The following CAND2 variants were observed in gnomAD, a reference collection of about 807,000 sequenced individuals.
The protein encoded by CAND2 is cullin-associated NEDD8-dissociated protein 2.
Under a neutral mutation model 98.9 loss-of-function variants are expected in CAND2, and 62 were observed. The ratio of observed to expected loss-of-function variants is 0.63; its 90% CI spans 0.51 to 0.77. The LOEUF (loss-of-function observed/expected upper bound fraction) is 0.77. Ranked by LOEUF, CAND2 falls within the 30% of genes least tolerant of loss-of-function variation. The pLI is 0.00. For missense variants in CAND2, 1,501 were observed against 1,655.2 expected (o/e 0.91, Z 1.62); for synonymous variants, 770 against 731.9 (o/e 1.05, Z -0.84).
chr3:12,829,858 A>G (rs1023804126), intron 13 of CAND2, among the ~76,000 whole-genome samples: 11 of 152,174 alleles, frequency 7.2e-5, no homozygotes, highest in African/African-American at 2.7e-4. Flanking sequence ...GCTTTTCAAT[A>G]TATATCAGTC....
intron 1 of CAND2, among the ~76,000 whole-genome samples, chr3:12,800,197 G>A (rs940182821): frequency 6.6e-6 from 1 of 152,206 alleles, no homozygotes; most frequent in Non-Finnish European, 1.5e-5. Context: ...TGCCCATGCT[G>A]CCAGCCCAGC....
In CAND2 at chr3:12,816,345, G is replaced by T. The variant is rs1255884915; in HGVS notation, c.1442-29G>T. The T allele has an allele frequency of 1.0e-5, 16 of 1,576,070 alleles. No individual in the cohort carries two copies. The Admixed American group carries it at 1.1e-4, about 10-fold the overall frequency. ...GGGCCGTGTTGCATCAGAGGCGGTGGCCTCATAACCTTTGCATTCACCCTG... is the reference window on the plus strand; with the variant it reads ...GGGCCGTGTTGCATCAGAGGCGGTGTCCTCATAACCTTTGCATTCACCCTG... On this transcript the variant is annotated intron_variant, in intron 9 of 14. Coordinates refer to ENST00000456430, the MANE Select transcript of CAND2 (RefSeq NM_001162499.2).
rs187853396 is a variant in CAND2 at position 12,821,213 on chromosome 3, G to A, written c.3040+1032G>A. Reference sequence around the variant, plus strand: ...TGCACCACTGCACTCTAGCCTGGGCGACAGAGCAAGACTCCGTCTCAAAAA... The same window carrying A: ...TGCACCACTGCACTCTAGCCTGGGCAACAGAGCAAGACTCCGTCTCAAAAA... On this transcript the variant is annotated intron_variant, in intron 11 of 14. Coordinates refer to ENST00000456430, the MANE Select transcript of CAND2 (RefSeq NM_001162499.2). Among the ~76,000 whole-genome samples the A allele has an allele frequency of 2.1e-3, 302 of 141,962 alleles. 4 individuals are homozygous for A. The highest frequency in any genetic ancestry group is 7.8e-3 in the African/African-American group (288 of 36,902). The allele number at this position is 141,962 out of a possible 152,430, so 93.1% of individuals were successfully genotyped here.
At position 12,803,546 on chromosome 3, in the gene CAND2, G is replaced by T. The variant is rs779312403; in HGVS notation, c.127G>T (p.Glu43Ter). 1.9e-6 allele frequency: 3 copies of T among 1,613,636 alleles called. No individual in the cohort carries two copies. Among genetic ancestry groups the T allele is most frequent in the South Asian group, 2.2e-5 (2 of 91,044 alleles). The change falls in exon 2 of 15, where the codon GAG becomes TAG. Residue 43 changes from glutamate (E) to a stop codon, truncating the protein, a stop_gained. Transcript: ENST00000456430. LOFTEE classifies it high-confidence loss of function. Reference sequence around the variant, plus strand: ...GCAGAAGGACTCCATCCAGCTGGACGAGGACAGCGAGCGCAAGGTGGTGAA... The same window carrying T: ...GCAGAAGGACTCCATCCAGCTGGACTAGGACAGCGAGCGCAAGGTGGTGAA... Reference protein sequence around the residue: ...ELQKDSIQLDEDSERKVVKML... With the variant: ...ELQKDSIQLD
chr3:12,819,390 G>C (rs947021547), intron 10 of CAND2, among the ~76,000 whole-genome samples: 1 of 152,218 alleles, frequency 6.6e-6, no homozygotes, highest in Non-Finnish European at 1.5e-5. Context: ...CAAAGGGGGC[G>C]AGCCACTGAG....
chr3:12,823,924 G>GT (rs1166909456), intron 11 of CAND2, among the ~76,000 whole-genome samples: 2 of 151,272 alleles, frequency 1.3e-5, no homozygotes, highest in Admixed American at 6.6e-5. Context: ...GATAAATACA[G>GT]TTTTTTTGCA....
At chr3:12,822,538 A>T (rs1315878296) in intron 11 of CAND2, among the ~76,000 whole-genome samples, 2 of 152,020 alleles carry the variant, frequency 1.3e-5, no homozygotes, top group Non-Finnish European at 2.9e-5. Context: ...GGCTTAAGTG[A>T]TCCACTCACC....
chr3:12,825,535 A>G lies in CAND2; in HGVS notation c.3106A>G (p.Asn1036Asp). ...GCGCCGTGCGACTCTGGCTTTCTTC[A>G]ACTCAGCTGTGCACAACAAGCCCTC... ...NVRRATLAFFNSAVHNKPSLV... is the reference protein window; with the variant it reads ...NVRRATLAFFDSAVHNKPSLV... The change falls in exon 12 of 15, where the codon AAC becomes GAC. Residue 1036 changes from asparagine to aspartate, a missense_variant. Transcript: ENST00000456430. The G allele has an allele frequency of 6.2e-7, 1 of 1,605,948 alleles. No homozygotes were observed. The highest frequency in any genetic ancestry group is 1.7e-4 in the Middle Eastern group (1 of 6,054).
chr3:12,831,681 G>C (rs1005192743), intron 14 of CAND2, 109 bp downstream of exon 14: 3 of 650,678 alleles, frequency 4.6e-6, no homozygotes, highest in Non-Finnish European at 8.0e-6. Flanking sequence ...GTGATGTTGT[G>C]AAAGTGCTTC....
intron 14 of CAND2, among the ~76,000 whole-genome samples, chr3:12,833,265 TGCTTACACTCCG>T (rs1000545848): frequency 2.6e-5 from 4 of 152,204 alleles, no homozygotes. Flanking sequence ...TAGTTTGGGG[TGCTTACACTCCG>T]GCTGCATCTG....
At chr3:12,823,586 G>A (rs1010866850) in intron 11 of CAND2, among the ~76,000 whole-genome samples, 5 of 152,132 alleles carry the variant, frequency 3.3e-5, no homozygotes, top group Admixed American at 1.3e-4. Context: ...AAAATTAGCC[G>A]GGCATGCTGG....
intron 1 of CAND2, among the ~76,000 whole-genome samples, chr3:12,799,806 T>C (rs887289925): frequency 6.6e-6 from 1 of 152,118 alleles, no homozygotes; most frequent in African/African-American, 2.4e-5. Context: ...TCTGAAAGGA[T>C]CTTGTCCAGG....
In CAND2 at chr3:12,817,389, G is replaced by A. The variant is rs1466920131; in HGVS notation, c.2457G>A (p.Ala819=). The change falls in exon 10 of 15, where the codon GCG becomes GCA. Residue 819 remains alanine, a synonymous_variant. Coordinates refer to ENST00000456430, the MANE Select transcript of CAND2 (RefSeq NM_001162499.2). ...AALSAACPQE[A]ASTASRLVCD... is the part of the protein sequence containing the mutation. ...TCTCAGCTGCCTGTCCCCAAGAGGC[G>A]GCAAGCACAGCCAGTCGCCTGGTCT... is the stretch of plus-strand genomic sequence containing the variant. The A allele has an allele frequency of 6.2e-6, 10 of 1,613,692 alleles. No individual in the cohort carries two copies. The highest frequency in any genetic ancestry group is 2.7e-5 in the African/African-American group (2 of 74,958).
intron 13 of CAND2, among the ~76,000 whole-genome samples, chr3:12,830,437 C>T (rs563264408): frequency 1.2e-4 from 19 of 152,254 alleles, no homozygotes; most frequent in African/African-American, 4.3e-4. Context: ...GGCTACTGAC[C>T]CCAGGACACA....
At chr3:12,812,685 C>T (rs888710179) in intron 5 of CAND2, among the ~76,000 whole-genome samples, 4 of 149,728 alleles carry the variant, frequency 2.7e-5, no homozygotes, top group South Asian at 2.1e-4. Flanking sequence ...ATTACAGGCG[C>T]GCCTGGCCTA....
In CAND2 at chr3:12,831,516, G is replaced by C; in HGVS notation, c.3427G>C (p.Val1143Leu). The part of the protein sequence containing the change: ...ARLATLCPAP[V>L]LQRVDRLIEP... Reference sequence around the variant, plus strand: ...GCTGGCCACCCTGTGTCCTGCACCTGTCCTGCAGAGGGTGGACCGACTCAT... The same window carrying C: ...GCTGGCCACCCTGTGTCCTGCACCTCTCCTGCAGAGGGTGGACCGACTCAT... The change falls in exon 14 of 15, where the codon GTC becomes CTC. Residue 1143 changes from valine (V) to leucine (L), a missense_variant. By Grantham distance (32) the Val-to-Leu change is conservative. This residue lies in a region of CAND2 where 1,427 missense variants were observed against 1,545.3 expected (regional missense o/e 0.92). Transcript: ENST00000456430. 3.1e-6 allele frequency: 5 copies of C among 1,614,068 alleles called. No individual in the cohort carries two copies. In the South Asian group the frequency reaches 5.5e-5, roughly 18 times the overall value.
At chr3:12,833,438 G>T (rs7622555) in intron 14 of CAND2, among the ~76,000 whole-genome samples, 10,999 of 152,168 alleles carry the variant, frequency 0.072, 1,187 homozygotes, top group African/African-American at 0.24. Context: ...TCTGTAGGAG[G>T]TAAGTATGGG....
chr3:12,810,064 G>A lies in CAND2; in HGVS notation c.497G>A (p.Gly166Asp). Residue 166 changes from glycine to aspartate, a missense_variant, in exon 5 of 15, where the codon GGT becomes GAT. Coordinates refer to ENST00000456430, the MANE Select transcript of CAND2 (RefSeq NM_001162499.2). ...DILSDMLSRL[G>D]VPLGAFHASL... ...TGCCCCCTCGTGCTCCCCAGGCTGG[G>A]TGTCCCGCTGGGCGCCTTCCACGCC... 6 of 1,425,108 alleles carry A rather than the reference G, an allele frequency of 4.2e-6. No individual in the cohort carries two copies. Among genetic ancestry groups the A allele is most frequent in the Non-Finnish European group, 4.6e-6 (5 of 1,090,212 alleles). The allele number at this position is 1,425,108 out of a possible 1,614,324, so 88.3% of individuals were successfully genotyped here. A position where few individuals can be genotyped will look rare whatever the true frequency, so the allele number is the denominator to read the frequency against.
At chr3:12,823,904 A>G (rs1326710172) in intron 11 of CAND2, among the ~76,000 whole-genome samples, 1 of 152,242 alleles carries the variant, frequency 6.6e-6, no homozygotes, top group Non-Finnish European at 1.5e-5. Flanking sequence ...TTTGACTCAA[A>G]CAAAAAAATG....
Sources: allele counts gnomAD v4.1 joint callset (sites outside exome capture counted in the v4.1 genomes callset), GRCh38; gene constraint gnomAD v4.1.1; regional missense constraint gnomAD v4.1.1; transcripts MANE v1.5; gene names NCBI Gene and HGNC (gene_info 2026-07-23, HGNC 2026-07-21).